The following LMO1 variants were observed in gnomAD, a reference collection of about 807,000 sequenced individuals.
The protein encoded by LMO1 is LIM domain only 1.
LMO1 carries 10 observed loss-of-function variants against 18.0 expected under a neutral mutation model. The ratio of observed to expected loss-of-function variants is 0.55; its 90% CI spans 0.34 to 0.94. The LOEUF (loss-of-function observed/expected upper bound fraction) is 0.94, where lower values mean the gene tolerates loss of function less well. Among genes scored for constraint, LMO1 ranks in the 40% least tolerant of loss-of-function variants. The probability of loss-of-function intolerance (pLI) is 0.02; values close to 1 mark genes in which losing one functional copy is unlikely to be tolerated. For missense variants in LMO1, 183 were observed against 205.7 expected (o/e 0.89, Z 0.68); for synonymous variants, 77 against 77.9 (o/e 0.99, Z 0.06).
upstream of LMO1, among the ~76,000 whole-genome samples, chr11:8,268,144 T>G (rs1396154383): frequency 1.3e-5 from 2 of 152,216 alleles, no homozygotes; most frequent in African/African-American, 4.8e-5. Flanking sequence ...GTGAGAAAGT[T>G]CCCAGCCGGA....
At chr11:8,238,421 C>A (rs2134545195) in intron 1 of LMO1, among the ~76,000 whole-genome samples, 1 of 152,262 alleles carries the variant, frequency 6.6e-6, no homozygotes, top group Middle Eastern at 3.4e-3. Flanking sequence ...CCTGTAATCC[C>A]AGCACTTTGG....
At chr11:8,242,881 G>T (rs1846819936) in intron 1 of LMO1, among the ~76,000 whole-genome samples, 1 of 152,244 alleles carries the variant, frequency 6.6e-6, no homozygotes, top group African/African-American at 2.4e-5. Flanking sequence ...GAGCACCAGG[G>T]GATGGGAGAT....
intron 1 of LMO1, among the ~76,000 whole-genome samples, chr11:8,261,554 T>G (rs1474255147): frequency 6.6e-6 from 1 of 152,216 alleles, no homozygotes; most frequent in Admixed American, 6.5e-5. Context: ...TCTTCTGGAT[T>G]CCTGGCTTGG....
chr11:8,258,937 G>T (rs2134584036), intron 1 of LMO1, among the ~76,000 whole-genome samples: 1 of 152,298 alleles, frequency 6.6e-6, no homozygotes, highest in East Asian at 1.9e-4. Context: ...CAGTCCTAAT[G>T]CTCCTGAAAG....
chr11:8,268,298 C>A (rs1483536844), upstream of LMO1: 28 of 692,686 alleles, frequency 4.0e-5, no homozygotes, highest in Non-Finnish European at 5.8e-5. Flanking sequence ...ACCCATCAGC[C>A]GGAGGAGGCC....
chr11:8,226,761 G>A, intron 3 of LMO1: 1 of 807,126 alleles, frequency 1.2e-6, no homozygotes. Context: ...ACACAGATGT[G>A]CACACCCAAT....
intron 1 of LMO1, among the ~76,000 whole-genome samples, chr11:8,250,318 G>A (rs557998056): frequency 2.8e-4 from 42 of 152,174 alleles, no homozygotes; most frequent in African/African-American, 8.9e-4. Context: ...CTTAGTTGTC[G>A]CCAGTTTTAC....
chr11:8,238,487 C>G (rs531795416), intron 1 of LMO1, among the ~76,000 whole-genome samples: 1 of 151,956 alleles, frequency 6.6e-6, no homozygotes, highest in South Asian at 2.1e-4. Flanking sequence ...CTGGCTAACA[C>G]GGTGAAACCC....
At chr11:8,254,349 C>T (rs1453225989) in intron 1 of LMO1, among the ~76,000 whole-genome samples, 1 of 152,160 alleles carries the variant, frequency 6.6e-6, no homozygotes, top group East Asian at 1.9e-4. Context: ...ACTGATAGAT[C>T]GCTGGCTTGT....
In LMO1 at chr11:8,263,872, A is replaced by G; in HGVS notation, c.-510T>C. 9.6e-7 allele frequency: 1 copy of G among 1,041,078 alleles called. No individual in the cohort carries two copies. The highest frequency in any genetic ancestry group is 4.6e-5 in the South Asian group (1 of 21,618). The allele number at this position is 1,041,078 out of a possible 1,614,324, so 64.5% of individuals were successfully genotyped here. On this transcript the variant is annotated 5_prime_UTR_variant, in exon 1 of 4. Coordinates refer to ENST00000335790, the MANE Select transcript of LMO1 (RefSeq NM_002315.3). ...CCGTCTCCCGCTGCCTTTCTCCCTC[A>G]ATGTATGAGGTTTGCACTCCTGCTA...
intron 1 of LMO1, among the ~76,000 whole-genome samples, chr11:8,243,110 ATGG>A (rs1422311044): frequency 6.6e-6 from 1 of 152,052 alleles, no homozygotes; most frequent in Non-Finnish European, 1.5e-5. Flanking sequence ...AGCGGCAGGG[ATGG>A]AAACCCCTTT....
chr11:8,240,606 T>A (rs1489806757), intron 1 of LMO1, among the ~76,000 whole-genome samples: 6 of 152,054 alleles, frequency 3.9e-5, no homozygotes, highest in Non-Finnish European at 2.9e-5. Context: ...TCTTGGATCA[T>A]TAGATGGCCA....
At chr11:8,224,831 T>A (rs1032821177) in intron 3 of LMO1, 110 bp from the exon 4 acceptor site, 3 of 701,100 alleles carry the variant, frequency 4.3e-6, no homozygotes, top group Non-Finnish European at 7.6e-6. Flanking sequence ...TGGGAGGTGG[T>A]GGGGGGAGTT....
upstream of LMO1, among the ~76,000 whole-genome samples, chr11:8,267,313 C>G (rs1260079008): frequency 2.6e-5 from 4 of 152,182 alleles, no homozygotes; most frequent in Non-Finnish European, 2.9e-5. Flanking sequence ...TTGAGATCGT[C>G]CTGAGCAAAC....
Position 8,263,773 on chromosome 11 carries a change from A to G in LMO1, c.-411T>C, listed in dbSNP as rs370691133. 9.3e-7 allele frequency: 1 copy of G among 1,079,098 alleles called. No individual in the cohort carries two copies. Among genetic ancestry groups the G allele is most frequent in the Non-Finnish European group, 1.1e-6 (1 of 889,514 alleles). 66.8% of individuals were successfully genotyped at this position (1,079,098 alleles called of 1,614,324 possible). A position where few individuals can be genotyped will look rare whatever the true frequency, so the allele number is the denominator to read the frequency against. ...GCAACGACACAGCTTTCAGCCTCATAAAGTGTTTTCCCCTCGGATTTAATC... is the reference window on the plus strand; with the variant it reads ...GCAACGACACAGCTTTCAGCCTCATGAAGTGTTTTCCCCTCGGATTTAATC... On this transcript the variant is annotated 5_prime_UTR_variant, in exon 1 of 4. Coordinates refer to ENST00000335790, the MANE Select transcript of LMO1 (RefSeq NM_002315.3).
chr11:8,263,468 T>C lies in LMO1; in HGVS notation c.-106A>G. ...CGGTCTTCGGGCAGCTAGCGGGCTC[T>C]AATTACCCGCTTGTCCGGCTCTTAA... On this transcript the variant is annotated 5_prime_UTR_variant, in exon 1 of 4. Transcript: ENST00000335790. 6.5e-7 allele frequency: 1 copy of C among 1,542,386 alleles called. No individual in the cohort carries two copies.
At chr11:8,266,618 C>T (rs1847264047), upstream of LMO1, among the ~76,000 whole-genome samples, 1 of 152,248 alleles carries the variant, frequency 6.6e-6, no homozygotes, top group African/African-American at 2.4e-5. Flanking sequence ...GTGGGTGCTA[C>T]TGGCTGTCTT....
intron 2 of LMO1, among the ~76,000 whole-genome samples, chr11:8,228,842 C>A (rs909864512): frequency 6.6e-6 from 1 of 152,080 alleles, no homozygotes; most frequent in Non-Finnish European, 1.5e-5. Context: ...CCTAAACCTC[C>A]AGACATGGAG....
chr11:8,262,843 C>T (rs543584208), intron 1 of LMO1, among the ~76,000 whole-genome samples: 4 of 152,342 alleles, frequency 2.6e-5, no homozygotes, highest in African/African-American at 9.6e-5. Context: ...GCGCCGTCCT[C>T]CCGCGCTCCC....
Sources: gnomAD v4.1 joint callset for allele counts (sites outside exome capture counted in the v4.1 genomes callset) on GRCh38, gnomAD v4.1.1 for gene constraint, MANE v1.5 for transcripts, NCBI Gene and HGNC (gene_info 2026-07-23, HGNC 2026-07-21) for gene names.